INSL6: variants seen among roughly 807,000 people sequenced by gnomAD.
The protein encoded by INSL6 is insulin like 6, also known as insulin-like peptide INSL6.
Under a neutral mutation model 9.4 loss-of-function variants are expected in INSL6, and 16 were observed. That is an observed-to-expected ratio of 1.70 (90% CI 1.15 to 2.59). The LOEUF is 2.59. Ranked by LOEUF, INSL6 falls within the 30% of genes most tolerant of loss-of-function variation. INSL6 has a pLI of 0.00. For missense variants in INSL6, 391 were observed against 257.3 expected, an observed-to-expected ratio of 1.52 and a Z score of -3.56; for synonymous variants, 154 against 96.9, an observed-to-expected ratio of 1.59 and a Z score of -3.46.
At chr9:5,123,244 A>G, downstream of INSL6, 1 of 592,566 alleles carries the variant, frequency 1.7e-6, no homozygotes. Flanking sequence ...CAGAGCTTTT[A>G]GGGTATCCAC....
the INSL6 span, among the ~76,000 whole-genome samples, chr9:5,005,468 A>G: frequency 1.3e-5 from 2 of 152,082 alleles, no homozygotes; most frequent in African/African-American, 4.8e-5. Context: ...AATCTGGTAT[A>G]ATGATTGATT....
intron 2 of INSL6, among the ~76,000 whole-genome samples, chr9:5,146,145 G>A (rs534576077): frequency 1.3e-5 from 2 of 151,158 alleles, no homozygotes; most frequent in East Asian, 3.9e-4. Context: ...CCTTTTTGAT[G>A]ACCTTGAGTG....
chr9:5,074,757 A>G, the INSL6 span, among the ~76,000 whole-genome samples: 1 of 152,228 alleles, frequency 6.6e-6, no homozygotes, highest in East Asian at 1.9e-4. Context: ...ATGGAAAGCT[A>G]GAAATGAAGC....
chr9:5,029,874 G>A, the INSL6 span: 22 of 1,612,484 alleles, frequency 1.4e-5, no homozygotes, highest in South Asian at 2.4e-4. Flanking sequence ...ATATAGATGA[G>A]TCAACCAGGC....
the INSL6 span, among the ~76,000 whole-genome samples, chr9:5,082,710 G>A: frequency 2.6e-5 from 4 of 152,338 alleles, no homozygotes; most frequent in South Asian, 6.2e-4. Flanking sequence ...GCGGCTTTCC[G>A]CAGTGCATTG....
chr9:5,185,096 T>C (rs985944700), intron 1 of INSL6, among the ~76,000 whole-genome samples: 2 of 152,172 alleles, frequency 1.3e-5, no homozygotes, highest in African/African-American at 4.8e-5. Flanking sequence ...CATAAATATG[T>C]AGACTTACAA....
At chr9:5,009,905 G>C in the INSL6 span, among the ~76,000 whole-genome samples, 1 of 151,960 alleles carries the variant, frequency 6.6e-6, no homozygotes, top group South Asian at 2.1e-4. Context: ...CAAGTAGCTA[G>C]TACTACAGGT....
chr9:5,042,057 G>T, the INSL6 span: 1 of 244,456 alleles, frequency 4.1e-6, no homozygotes, highest in South Asian at 4.7e-5. Context: ...AGACTGCAGG[G>T]TCTTGGCCGG....
chr9:5,090,606 C>T, the INSL6 span: 1 of 1,547,306 alleles, frequency 6.5e-7, no homozygotes, highest in East Asian at 2.3e-5. Flanking sequence ...GTAGATGAAG[C>T]AACCGTGTTG....
chr9:5,159,946 G>A (rs1166199865), downstream of INSL6, among the ~76,000 whole-genome samples: 3 of 152,160 alleles, frequency 2.0e-5, no homozygotes, highest in East Asian at 1.9e-4. Context: ...AGGCCAGGGC[G>A]GGTGGATCAC....
chr9:5,039,982 C>T, the INSL6 span, among the ~76,000 whole-genome samples: 1 of 151,938 alleles, frequency 6.6e-6, no homozygotes, highest in Non-Finnish European at 1.5e-5. Context: ...ATATAAAAAG[C>T]AAAGGGACTT....
At chr9:5,170,770 C>A (rs1281041761) in intron 1 of INSL6, among the ~76,000 whole-genome samples, 1 of 152,040 alleles carries the variant, frequency 6.6e-6, no homozygotes, top group African/African-American at 2.4e-5. Flanking sequence ...AACACATACA[C>A]CCCCACAAGA....
the INSL6 span, among the ~76,000 whole-genome samples, chr9:5,060,936 G>T: frequency 6.6e-6 from 1 of 152,184 alleles, no homozygotes; most frequent in African/African-American, 2.4e-5. Flanking sequence ...AATGGATGTT[G>T]TGTCACCAGG....
intron 3 of INSL6, chr9:5,132,924 G>C (rs1053956622): frequency 1.3e-5 from 2 of 152,308 alleles, no homozygotes; most frequent in Non-Finnish European, 2.9e-5. Context: ...CCTAATCATA[G>C]TTTTCAGGGA....
At chr9:5,097,672 A>G in the INSL6 span, 2 of 152,220 alleles carry the variant, frequency 1.3e-5, no homozygotes, top group East Asian at 1.9e-4. Flanking sequence ...ATCTCCCGCA[A>G]TGTTCTGAGC....
chr9:5,024,839 A>G, the INSL6 span, among the ~76,000 whole-genome samples: 1 of 152,194 alleles, frequency 6.6e-6, no homozygotes, highest in Non-Finnish European at 1.5e-5. Flanking sequence ...AGGGCAAAAG[A>G]GAGAAAAACA....
At chr9:5,086,120 C>T in the INSL6 span, 5 of 430,970 alleles carry the variant, frequency 1.2e-5, no homozygotes, top group Admixed American at 1.0e-4. Context: ...GCATCGGCAG[C>T]GGCGCGCGGC....
At chr9:5,043,641 C>G in the INSL6 span, among the ~76,000 whole-genome samples, 25 of 152,296 alleles carry the variant, frequency 1.6e-4, 1 homozygote, top group African/African-American at 5.8e-4. Context: ...AAAACTTGTA[C>G]ATGACTCTTC....
At chr9:5,071,823 A>G in the INSL6 span, among the ~76,000 whole-genome samples, 537 of 152,286 alleles carry the variant, frequency 3.5e-3, 4 homozygotes, top group African/African-American at 0.013. Flanking sequence ...TAAATAGTAG[A>G]CCTTGGATTT....
Sources: gnomAD v4.1 joint callset for allele counts (sites outside exome capture counted in the v4.1 genomes callset) on GRCh38, gnomAD v4.1.1 for gene constraint, MANE v1.5 for transcripts, NCBI Gene and HGNC (gene_info 2026-07-23, HGNC 2026-07-21) for gene names.